The following GRM4 variants were observed in gnomAD, a reference collection of about 807,000 sequenced individuals.
The protein encoded by GRM4 is glutamate metabotropic receptor 4, also known as metabotropic glutamate receptor 4.
Under a neutral mutation model 81.7 loss-of-function variants are expected in GRM4, and 28 were observed. The observed-to-expected ratio is 0.34, with a 90% CI of 0.25 to 0.47. The LOEUF (loss-of-function observed/expected upper bound fraction) is 0.47. Among genes scored for constraint, GRM4 ranks in the 20% least tolerant of loss-of-function variants. The pLI, the probability that GRM4 is intolerant of heterozygous loss-of-function variation, is 1.00. For synonymous variants in GRM4, 488 were observed against 528.8 expected (o/e 0.92, Z 1.06); for missense variants, 948 against 1,290.0 (o/e 0.73, Z 4.06).
chr6:34,087,435 A>G (rs1299186084), intron 3 of GRM4, among the ~76,000 whole-genome samples: 2 of 149,916 alleles, frequency 1.3e-5, no homozygotes, highest in Non-Finnish European at 3.0e-5. Flanking sequence ...AAAAAAAAAA[A>G]GCCTGCCACA....
chr6:34,155,557 G>A (rs1771135376), exon 1 of GRM4: 3 of 506,470 alleles, frequency 5.9e-6, no homozygotes, highest in Admixed American at 3.9e-5. Flanking sequence ...ACAGGGTCTC[G>A]CCATGTTGCC....
intron 3 of GRM4, chr6:34,063,760 T>C (rs1766300432): frequency 6.6e-6 from 1 of 152,200 alleles, no homozygotes; most frequent in Non-Finnish European, 1.5e-5. Context: ...CCGGGCCGGC[T>C]CTCAGTTCCC....
intron 6 of GRM4, among the ~76,000 whole-genome samples, chr6:34,053,757 T>C (rs1453795051): frequency 6.6e-6 from 1 of 152,196 alleles, no homozygotes; most frequent in Non-Finnish European, 1.5e-5. Flanking sequence ...TTGCATCCAG[T>C]GCAAATTAAA....
rs1283240879 is a variant in GRM4 at position 34,034,040 on chromosome 6, T to C, written c.2442+1628A>G. Reference sequence around the variant, plus strand: ...AGGCATGAGCCACCACACCCAGCCTTGGGCTCACAGCTCTAGATGCCAGGC... The same window carrying C: ...AGGCATGAGCCACCACACCCAGCCTCGGGCTCACAGCTCTAGATGCCAGGC... On this transcript the variant is annotated intron_variant, in intron 9 of 10. Coordinates refer to ENST00000538487, the MANE Select transcript of GRM4 (RefSeq NM_000841.4). The surrounding 1 kb of genome is among the most constrained non-coding windows in gnomAD (Gnocchi z 4.0). Among the ~76,000 whole-genome samples, 5 of 152,094 alleles carry C rather than the reference T, an allele frequency of 3.3e-5. No individual in the cohort carries two copies. The highest frequency in any genetic ancestry group is 4.4e-5 in the Non-Finnish European group (3 of 68,018).
chr6:34,043,220 C>T (rs1344837523), intron 6 of GRM4, among the ~76,000 whole-genome samples: 1 of 152,194 alleles, frequency 6.6e-6, no homozygotes, highest in African/African-American at 2.4e-5. Context: ...ACCAGCAACA[C>T]TTTTTCCAGG....
chr6:34,111,964 A>G lies in GRM4; in HGVS notation c.520-19865T>C, dbSNP rs909675206. Among the ~76,000 whole-genome samples the G allele has an allele frequency of 6.6e-6, 1 of 152,082 alleles. No homozygotes were observed. Among genetic ancestry groups the G allele is most frequent in the Non-Finnish European group, 1.5e-5 (1 of 68,022 alleles). On this transcript the variant is annotated intron_variant, in intron 2 of 10. Transcript: ENST00000538487. The surrounding 1 kb of genome is among the most constrained non-coding windows in gnomAD (Gnocchi z 5.1). ...CAATAAGAAAAGGAGACTTGCCTGG[A>G]GATTCTGAAATGGGGAGGTCTCCTC...
rs1398329776 is a variant in GRM4 at position 34,069,478 on chromosome 6, C to G, written c.737-7450G>C. 6.6e-6 allele frequency among the ~76,000 whole-genome samples: 1 copy of G among 152,134 alleles called. No individual in the cohort carries two copies. The highest frequency in any genetic ancestry group is 2.4e-5 in the African/African-American group (1 of 41,418). On this transcript the variant is annotated intron_variant, in intron 3 of 10. Transcript: ENST00000538487. This position sits in a 1 kb window ranked among gnomAD's most constrained non-coding sequence, Gnocchi z 6.4. ...CAGAGTGAGCTGGGTGCGGGACACA[C>G]GAGGGCTGGGCTGGCTCCAGCTGGA...
rs1391695570 is a variant in GRM4, at chr6:34,115,572, TCGGCAAAC to T, written c.519+17398_519+17405del. 6.6e-6 allele frequency among the ~76,000 whole-genome samples: 1 copy of T among 152,144 alleles called. No homozygotes were observed. Among genetic ancestry groups the T allele is most frequent in the Non-Finnish European group, 1.5e-5 (1 of 68,038 alleles). On this transcript the variant is annotated intron_variant, in intron 2 of 10. Transcript: ENST00000538487. The surrounding 1 kb of genome is among the most constrained non-coding windows in gnomAD (Gnocchi z 4.1). ...CCTCCAGGGGTCTGCCCGAAGACAC[TCGGCAAAC>T]CTTTCAGGCCTCTAAAAGACCATTT... is the stretch of plus-strand genomic sequence containing the variant.
At chr6:34,112,329 G>A (rs565099830) in intron 2 of GRM4, among the ~76,000 whole-genome samples, 2 of 152,288 alleles carry the variant, frequency 1.3e-5, no homozygotes, top group South Asian at 2.1e-4. Flanking sequence ...TGGGCTGGCG[G>A]CCATGGCAGA....
At position 34,040,098 on chromosome 6, in the gene GRM4, G is replaced by A. The variant is rs921107307; in HGVS notation, c.1506+80C>T. 1.3e-5 allele frequency: 18 copies of A among 1,401,230 alleles called. No homozygotes were observed. The Admixed American group carries it at 3.1e-4, about 24-fold the overall frequency. 86.8% of individuals were successfully genotyped at this position (1,401,230 alleles called of 1,614,324 possible). A position where few individuals can be genotyped will look rare whatever the true frequency, so the allele number is the denominator to read the frequency against. ...TCCTGGAGGTCAGGGCTAATCAGCA[G>A]CAGCCTCCCCTTGGGCCCCCCTCCC... On this transcript the variant is annotated intron_variant, in intron 8 of 10. Coordinates refer to ENST00000538487, the MANE Select transcript of GRM4 (RefSeq NM_000841.4).
intron 8 of GRM4, 62 bp downstream of exon 8, chr6:34,040,104 TCCCCTTGGGCCC>T: frequency 7.0e-7 from 1 of 1,435,864 alleles, no homozygotes; most frequent in Admixed American, 1.7e-5. Flanking sequence ...AGCAGCAGCC[TCCCCTTGGGCCC>T]CCCTCCCAGG....
At chr6:34,153,067 T>A (rs1339921941) in intron 1 of GRM4, among the ~76,000 whole-genome samples, 2 of 152,136 alleles carry the variant, frequency 1.3e-5, no homozygotes, top group Non-Finnish European at 2.9e-5. Context: ...GGTCCAGGTG[T>A]GAGCCCCTGC....
At chr6:34,118,692 G>A (rs1412242721) in intron 2 of GRM4, among the ~76,000 whole-genome samples, 1 of 152,152 alleles carries the variant, frequency 6.6e-6, no homozygotes, top group African/African-American at 2.4e-5. Context: ...CCCAGAAGCC[G>A]CCTACAGCAG....
At position 34,142,992 on chromosome 6, in the gene GRM4, C is replaced by A. The variant is rs1171033720; in HGVS notation, c.-364+3008G>T. Among the ~76,000 whole-genome samples the A allele has an allele frequency of 1.1e-4, 16 of 152,338 alleles. No individual in the cohort carries two copies. The East Asian group carries it at 2.9e-3, about 28-fold the overall frequency. On this transcript the variant is annotated intron_variant, in intron 1 of 10. Transcript: ENST00000538487. ...CTCGCTCCTGAAAATGCCTAAGAAT[C>A]CATGAGTAGGGTAGAGCACTCCTTT...
At chr6:34,056,481 C>T in intron 6 of GRM4, 63 bp downstream of exon 6, 2 of 1,459,122 alleles carry the variant, frequency 1.4e-6, no homozygotes, top group Non-Finnish European at 1.9e-6. Flanking sequence ...CTCAGGCCCC[C>T]AGGCTCGGCC....
At chr6:34,102,922 C>T (rs921746018) in intron 2 of GRM4, among the ~76,000 whole-genome samples, 2 of 152,230 alleles carry the variant, frequency 1.3e-5, no homozygotes, top group Non-Finnish European at 2.9e-5. Flanking sequence ...TCTGACGCTG[C>T]GCCTGGGCAA....
In GRM4 at chr6:34,145,834, C is replaced by G. The variant is rs184170217; in HGVS notation, c.-364+166G>C. Among the ~76,000 whole-genome samples, 192 of 152,252 alleles carry G rather than the reference C, an allele frequency of 1.3e-3. 2 individuals are homozygous for G. The highest frequency in any genetic ancestry group is 4.2e-3 in the African/African-American group (176 of 41,554). On this transcript the variant is annotated intron_variant, in intron 1 of 10. Coordinates refer to ENST00000538487, the MANE Select transcript of GRM4 (RefSeq NM_000841.4). The stretch of plus-strand genomic sequence containing the variant: ...TTAAAGAGAGAGCACCTGGAGCCCA[C>G]CCCCTACCCCACACCTCCACCTCCG...
intron 6 of GRM4, among the ~76,000 whole-genome samples, chr6:34,044,719 T>TAC (rs752357878): frequency 4.5e-5 from 3 of 67,314 alleles, no homozygotes. Context: ...CACACACACA[T>TAC]ACACACACAG....
intron 3 of GRM4, among the ~76,000 whole-genome samples, chr6:34,065,319 C>T (rs1345243542): frequency 6.6e-6 from 1 of 152,146 alleles, no homozygotes; most frequent in Non-Finnish European, 1.5e-5. Context: ...TGCTTCTAAC[C>T]TCTCCCCTAG....
Sources: gnomAD v4.1 joint callset for allele counts (sites outside exome capture counted in the v4.1 genomes callset) on GRCh38, gnomAD v4.1.1 for gene constraint, Gnocchi (gnomAD v3.1) non-coding constraint, MANE v1.5 for transcripts, NCBI Gene and HGNC (gene_info 2026-07-23, HGNC 2026-07-21) for gene names.